PATJ: variants seen among roughly 807,000 people sequenced by gnomAD.
PATJ encodes inaD-like protein.
Under a neutral mutation model 224.9 loss-of-function variants are expected in PATJ, and 190 were observed. The observed-to-expected ratio is 0.84, with a 90% CI of 0.75 to 0.95. The LOEUF (loss-of-function observed/expected upper bound fraction) is 0.95. Among genes scored for constraint, PATJ ranks in the 40% least tolerant of loss-of-function variants. PATJ has a pLI of 0.00. For missense variants in PATJ, 2,121 were observed against 2,270.3 expected (o/e 0.93, Z 1.34); for synonymous variants, 769 against 820.3 (o/e 0.94, Z 1.07).
rs1452643215 is a variant in PATJ at position 61,871,440 on chromosome 1, T to TAC, written c.2836-3802_2836-3801insCA. 6.4e-4 allele frequency among the ~76,000 whole-genome samples: 65 copies of TAC among 101,938 alleles called. 2 individuals carry two copies. The South Asian group carries it at 0.018, about 28-fold the overall frequency. The allele number at this position is 101,938 out of a possible 152,430, so 66.9% of individuals were successfully genotyped here. On this transcript the variant is annotated intron_variant, in intron 20 of 43. Coordinates refer to ENST00000642238, the MANE Select transcript of PATJ (RefSeq NM_001350145.3). ...ATATATATGTACATATATATGTGTA[T>TAC]ATACACATATATATGCGTATATATA...
intron 28 of PATJ, among the ~76,000 whole-genome samples, chr1:62,015,859 G>C (rs892545745): frequency 6.6e-6 from 1 of 152,096 alleles, no homozygotes; most frequent in South Asian, 2.1e-4. Flanking sequence ...AGTAGAGATG[G>C]GGTTTCGCCA....
chr1:62,114,463 G>A (rs916235491), intron 35 of PATJ: 8 of 510,740 alleles, frequency 1.6e-5, no homozygotes, highest in Non-Finnish European at 2.8e-5. Context: ...AATCCAGACT[G>A]ATATATTTCT....
intron 27 of PATJ, among the ~76,000 whole-genome samples, chr1:61,930,631 A>C (rs1675890892): frequency 6.6e-6 from 1 of 152,096 alleles, no homozygotes; most frequent in Non-Finnish European, 1.5e-5. Flanking sequence ...GGAGTGCAGT[A>C]GCTCAATCAT....
At chr1:61,860,480 G>A (rs1664367381) in intron 18 of PATJ, among the ~76,000 whole-genome samples, 1 of 152,168 alleles carries the variant, frequency 6.6e-6, no homozygotes, top group Admixed American at 6.5e-5. Context: ...AAGGCTACGT[G>A]TCCTTGTGCC....
chr1:61,850,798 T>C (rs1304032087), intron 17 of PATJ, among the ~76,000 whole-genome samples: 2 of 152,238 alleles, frequency 1.3e-5, no homozygotes, highest in Admixed American at 1.3e-4. Context: ...GGGGATAATG[T>C]TGGTACATAC....
At chr1:61,755,461 G>A (rs947829111) in intron 1 of PATJ, among the ~76,000 whole-genome samples, 3 of 152,174 alleles carry the variant, frequency 2.0e-5, no homozygotes, top group Admixed American at 1.3e-4. Context: ...GAGATACATG[G>A]CCAACACATT....
intron 31 of PATJ, chr1:62,054,321 C>T (rs1348325770): frequency 6.9e-6 from 3 of 434,032 alleles, no homozygotes; most frequent in Middle Eastern, 3.7e-4. Context: ...TGTGATTGTG[C>T]CACTGCACTC....
intron 1 of PATJ, among the ~76,000 whole-genome samples, chr1:61,752,363 G>T (rs1475508374): frequency 6.9e-6 from 1 of 145,242 alleles, no homozygotes; most frequent in Non-Finnish European, 1.5e-5. Context: ...ACCCAGGCTG[G>T]AGTGCAATGG....
intron 31 of PATJ, chr1:62,054,384 C>A: frequency 2.3e-6 from 1 of 435,052 alleles, no homozygotes; most frequent in Non-Finnish European, 4.6e-6. Context: ...AAGTTATTTT[C>A]AGAGCTGAGG....
In PATJ at chr1:61,984,166, T is replaced by TA. The variant is rs201276481; in HGVS notation, c.3671-6002_3671-6001insA. 5.0e-4 allele frequency among the ~76,000 whole-genome samples: 65 copies of TA among 129,098 alleles called. 1 individual carries two copies. Among genetic ancestry groups the TA allele is most frequent in the African/African-American group, 9.2e-4 (27 of 29,416 alleles). 84.7% of individuals were successfully genotyped at this position (129,098 alleles called of 152,430 possible). A position where few individuals can be genotyped will look rare whatever the true frequency, so the allele number is the denominator to read the frequency against. On this transcript the variant is annotated intron_variant, in intron 27 of 43. Transcript: ENST00000642238. ...TACGCTCAATTATTATTATTATTAT[T>TA]TTTTTTTTTTTTGAGGCAGAGTGTT...
At chr1:61,984,383 C>A (rs1224062671) in intron 27 of PATJ, among the ~76,000 whole-genome samples, 2 of 151,620 alleles carry the variant, frequency 1.3e-5, no homozygotes, top group Admixed American at 6.6e-5. Flanking sequence ...TGGTCTCGAA[C>A]CCCTGACCTG....
chr1:62,099,075 G>T (rs958528484), intron 33 of PATJ, among the ~76,000 whole-genome samples: 1 of 151,970 alleles, frequency 6.6e-6, no homozygotes, highest in African/African-American at 2.4e-5. Context: ...AGATTTGGAT[G>T]TAGTTTTGGT....
chr1:62,074,904 C>T (rs1351995358), intron 31 of PATJ, among the ~76,000 whole-genome samples: 1 of 152,120 alleles, frequency 6.6e-6, no homozygotes, highest in East Asian at 1.9e-4. Context: ...GCGGAGGTTG[C>T]AGTGAGCTGA....
Position 62,018,983 on chromosome 1 carries a change from G to A in PATJ, c.3959+1036G>A, listed in dbSNP as rs911718360. Among the ~76,000 whole-genome samples the A allele has an allele frequency of 1.3e-5, 2 of 151,982 alleles. No individual in the cohort carries two copies. The highest frequency in any genetic ancestry group is 2.9e-5 in the Non-Finnish European group (2 of 67,956). On this transcript the variant is annotated intron_variant, in intron 29 of 43. Transcript: ENST00000642238. The surrounding 1 kb of genome is among the most constrained non-coding windows in gnomAD (Gnocchi z 4.2). ...ATTAGGGCCAGGCACGGTGGCTCAC[G>A]TCTGTAATCCCAGCACTTTGGGAGG...
chr1:61,997,982 T>TTTTTTTTATATATATATATATATATA (rs374175697), intron 28 of PATJ, among the ~76,000 whole-genome samples: 1 of 118,338 alleles, frequency 8.5e-6, no homozygotes, highest in Non-Finnish European at 1.6e-5. Flanking sequence ...TGTGCCCAGC[T>TTTTTTTTATATATATATATATATATA]TATATATGTA....
In PATJ at chr1:61,746,456, G is replaced by A. The variant is rs865812411; in HGVS notation, c.-36+3901G>A. ...TCCTGCCTTGGGGAGAAAAAGGAGC[G>A]AATGAAAGGAGGGGCAGGAGAGTGT... On this transcript the variant is annotated intron_variant, in intron 1 of 43. Transcript: ENST00000642238. Among the ~76,000 whole-genome samples the A allele has an allele frequency of 5.9e-5, 9 of 152,144 alleles. No individual in the cohort carries two copies. In the South Asian group the frequency reaches 1.7e-3, roughly 28 times the overall value.
At chr1:62,076,358 A>AG (rs1347660309) in intron 31 of PATJ, among the ~76,000 whole-genome samples, 1 of 67,738 alleles carries the variant, frequency 1.5e-5, no homozygotes, top group African/African-American at 4.2e-5. Flanking sequence ...ATTATGAAAC[A>AG]GGGTTGAAAA....
At chr1:62,017,798 T>A in intron 28 of PATJ, 58 bp from the exon 29 acceptor site, 1 of 795,496 alleles carries the variant, frequency 1.3e-6, no homozygotes, top group Non-Finnish European at 2.2e-6. Context: ...ATTCCAAGTA[T>A]ATACATATAT....
At chr1:61,924,880 T>C (rs932208907) in intron 26 of PATJ, among the ~76,000 whole-genome samples, 4 of 152,210 alleles carry the variant, frequency 2.6e-5, no homozygotes, top group Admixed American at 1.3e-4. Flanking sequence ...TAAAGAGCTG[T>C]TCTTTCCAGT....
Sources: allele counts gnomAD v4.1 joint callset (sites outside exome capture counted in the v4.1 genomes callset), GRCh38; gene constraint gnomAD v4.1.1; non-coding constraint Gnocchi (gnomAD v3.1); transcripts MANE v1.5; gene names NCBI Gene and HGNC (gene_info 2026-07-23, HGNC 2026-07-21).